The following ECM2 variants were observed in gnomAD, a reference collection of about 807,000 sequenced individuals.
ECM2 encodes extracellular matrix protein 2, female organ and adipocyte specific.
Under a neutral mutation model 67.5 loss-of-function variants are expected in ECM2, and 57 were observed. The observed-to-expected ratio is 0.84, with a 90% CI of 0.68 to 1.05. The LOEUF (loss-of-function observed/expected upper bound fraction) is 1.05. Ranked by LOEUF, ECM2 falls within the 50% of genes least tolerant of loss-of-function variation. ECM2 has a pLI of 0.00. For missense variants in ECM2, 741 were observed against 822.8 expected (o/e 0.90, Z 1.22); for synonymous variants, 258 against 294.5 (o/e 0.88, Z 1.27).
intron 9 of ECM2, among the ~76,000 whole-genome samples, chr9:92,500,249 C>A (rs1261735252): frequency 6.6e-6 from 1 of 152,120 alleles, no homozygotes; most frequent in African/African-American, 2.4e-5. Flanking sequence ...GTGGCACCAT[C>A]CCGGCTCACT....
the ECM2 span, among the ~76,000 whole-genome samples, chr9:92,551,925 G>GTGTATATATATA: frequency 2.4e-5 from 2 of 84,568 alleles, no homozygotes; most frequent in African/African-American, 1.6e-4. Flanking sequence ...TGGTGTGTGT[G>GTGTATATATATA]TATATATATA....
In ECM2 at chr9:92,514,778, G is replaced by T. The variant is rs764812951; in HGVS notation, c.907C>A (p.Arg303=). ...CTGGGAGGAGCAGGAAGCGGGGATC[G>T]AGAGGGCATTCGGAACATATCTCCT... is the stretch of plus-strand genomic sequence containing the variant. ...VRGDMFRMPS[R]SPLPAPPRGT... is the part of the protein sequence containing the mutation. The change falls in exon 4 of 10, where the codon CGA becomes AGA. Residue 303 remains arginine, a synonymous_variant. Transcript: ENST00000344604. The T allele has an allele frequency of 4.3e-6, 7 of 1,614,008 alleles. No homozygotes were observed. In the South Asian group the frequency reaches 7.7e-5, roughly 18 times the overall value.
chr9:92,514,473 C>T (rs2131205931), intron 4 of ECM2, among the ~76,000 whole-genome samples, 158 bp downstream of exon 4: 1 of 152,178 alleles, frequency 6.6e-6, no homozygotes. Flanking sequence ...TGGGGTTTCA[C>T]CATATTGTCC....
the ECM2 span, among the ~76,000 whole-genome samples, chr9:92,559,072 A>G: frequency 6.6e-6 from 1 of 152,106 alleles, no homozygotes; most frequent in East Asian, 1.9e-4. Flanking sequence ...TGCCAAAGAA[A>G]AGGGCTCTTC....
At chr9:92,501,372 C>G (rs1373534920) in intron 8 of ECM2, among the ~76,000 whole-genome samples, 2 of 152,154 alleles carry the variant, frequency 1.3e-5, no homozygotes, top group Non-Finnish European at 2.9e-5. Context: ...ACGGTTGATG[C>G]GTTGAATCCA....
At position 92,505,691 on chromosome 9, in the gene ECM2, C is replaced by A; in HGVS notation, c.1307-1G>T. ...TCTAAGGTGACCAACTGATTTAAGT[C>A]TATAAAAAATAAAAGTATTAGAATA... On this transcript the variant is annotated splice_acceptor_variant, in intron 6 of 9. Transcript: ENST00000344604. LOFTEE classifies it high-confidence loss of function. 1.3e-6 allele frequency: 2 copies of A among 1,561,748 alleles called. No individual in the cohort carries two copies. The highest frequency in any genetic ancestry group is 1.4e-5 in the African/African-American group (1 of 71,934).
At chr9:92,521,548 G>A (rs868792299) in intron 2 of ECM2, among the ~76,000 whole-genome samples, 3 of 152,152 alleles carry the variant, frequency 2.0e-5, no homozygotes, top group Non-Finnish European at 2.9e-5. Flanking sequence ...ACTGGCCACA[G>A]AACATTATAT....
chr9:92,500,849 G>A lies in ECM2; in HGVS notation c.1809C>T (p.Phe603=). 4 of 1,614,180 alleles carry A rather than the reference G, an allele frequency of 2.5e-6. No homozygotes were observed. The highest frequency in any genetic ancestry group is 3.4e-6 in the Non-Finnish European group (4 of 1,180,030). ...CTCTCAGAGAATGATATGCCCCATA[G>A]AAGGAGACACGGTCCATGCCATCAT... ...LADDGMDRVS[F]YGAYHSLREL... is the part of the protein sequence containing the mutation. The change falls in exon 9 of 10, where the codon TTC becomes TTT. Residue 603 remains phenylalanine (F), a synonymous_variant. Transcript: ENST00000344604.
chr9:92,500,977 G>A lies in ECM2; in HGVS notation c.1681C>T (p.Leu561=). ...TCAATCTGGTTCCCAAGGAGTACTA[G>A]GTGCAGCAAGGACTTGGGTAGATAG... is the stretch of plus-strand genomic sequence containing the variant. ...PSYLPKSLLH[L]VLLGNQIERI... The change falls in exon 9 of 10, where the codon CTA becomes TTA. Residue 561 remains leucine (L), a synonymous_variant. Transcript: ENST00000344604. The A allele has an allele frequency of 6.2e-7, 1 of 1,614,176 alleles. No individual in the cohort carries two copies. The highest frequency in any genetic ancestry group is 8.5e-7 in the Non-Finnish European group (1 of 1,180,030).
downstream of ECM2, chr9:92,493,800 A>G (rs1373690870): frequency 4.3e-6 from 1 of 230,492 alleles, no homozygotes; most frequent in Non-Finnish European, 8.4e-6. Flanking sequence ...AATAAGTACA[A>G]CTTCCACTTA....
At chr9:92,504,348 A>G (rs1034527267) in intron 7 of ECM2, among the ~76,000 whole-genome samples, 4 of 152,168 alleles carry the variant, frequency 2.6e-5, no homozygotes, top group African/African-American at 4.8e-5. Flanking sequence ...ACAGCCACAT[A>G]AGATCACAAT....
chr9:92,550,226 T>C, the ECM2 span, among the ~76,000 whole-genome samples: 1 of 152,098 alleles, frequency 6.6e-6, no homozygotes, highest in Admixed American at 6.6e-5. Flanking sequence ...CGAAACCCCG[T>C]CTCTACTAAA....
At chr9:92,545,764 G>A in the ECM2 span, among the ~76,000 whole-genome samples, 1 of 152,204 alleles carries the variant, frequency 6.6e-6, no homozygotes, top group African/African-American at 2.4e-5. Flanking sequence ...GTCTAGCTAA[G>A]GGATTGTAGA....
intron 9 of ECM2, among the ~76,000 whole-genome samples, chr9:92,497,037 C>A (rs760649322): frequency 1.3e-5 from 2 of 152,070 alleles, no homozygotes; most frequent in Non-Finnish European, 2.9e-5. Context: ...GGTGCGCCAC[C>A]TCTGGAGAGG....
intron 9 of ECM2, among the ~76,000 whole-genome samples, chr9:92,499,486 T>C (rs1338796603): frequency 6.6e-6 from 1 of 152,168 alleles, no homozygotes. Context: ...AGTGAAACCA[T>C]TGGTTCAATG....
the ECM2 span, among the ~76,000 whole-genome samples, chr9:92,544,248 C>T: frequency 6.6e-6 from 1 of 152,166 alleles, no homozygotes; most frequent in East Asian, 1.9e-4. Flanking sequence ...GGCTGAGGCA[C>T]GTGGATCACT....
intron 1 of ECM2, among the ~76,000 whole-genome samples, chr9:92,528,310 AG>A (rs1324731104): frequency 2.0e-5 from 3 of 152,146 alleles, no homozygotes; most frequent in Non-Finnish European, 4.4e-5. Flanking sequence ...AGTTGCAGTG[AG>A]GGGAACACAG....
At chr9:92,505,438 T>C in intron 7 of ECM2, 95 bp downstream of exon 7, 1 of 1,131,716 alleles carries the variant, frequency 8.8e-7, no homozygotes, top group Non-Finnish European at 1.3e-6. Flanking sequence ...AACTAGAGTT[T>C]AATTTACATC....
chr9:92,533,312 A>C (rs1483169153), intron 1 of ECM2, among the ~76,000 whole-genome samples: 6 of 88,678 alleles, frequency 6.8e-5, no homozygotes, highest in African/African-American at 1.4e-4. Context: ...ACAAAAAAAA[A>C]AAAAAAAAAA....
Sources: allele counts gnomAD v4.1 joint callset (sites outside exome capture counted in the v4.1 genomes callset), GRCh38; gene constraint gnomAD v4.1.1; transcripts MANE v1.5; gene names NCBI Gene and HGNC (gene_info 2026-07-23, HGNC 2026-07-21).